KMT2D: variants seen among roughly 807,000 people sequenced by gnomAD.
KMT2D encodes lysine methyltransferase 2D.
In KMT2D, 55 loss-of-function variants were observed where a neutral mutation model predicts 512.7. The observed-to-expected ratio is 0.11, with a 90% CI of 0.09 to 0.13. The LOEUF (loss-of-function observed/expected upper bound fraction) is 0.13, where lower values mean the gene tolerates loss of function less well. Among genes scored for constraint, KMT2D ranks in the 10% least tolerant of loss-of-function variants. The pLI is 1.00. For missense variants in KMT2D, 6,061 were observed against 7,127.9 expected, an observed-to-expected ratio of 0.85 and a Z score of 5.39; for synonymous variants, 2,995 against 2,904.0, an observed-to-expected ratio of 1.03 and a Z score of -1.01.
rs376634025 is a variant in KMT2D at position 49,044,379 on chromosome 12, C to A, written c.5083+24G>T. 1.2e-6 allele frequency: 2 copies of A among 1,613,946 alleles called. No individual in the cohort carries two copies. The highest frequency in any genetic ancestry group is 1.1e-5 in the South Asian group (1 of 91,078). Reference sequence around the variant, plus strand: ...GCTGCCCCGCACCACCCCACCACCCCACAACCCCATCCCAGGACCTCACCA... The same window carrying A: ...GCTGCCCCGCACCACCCCACCACCCAACAACCCCATCCCAGGACCTCACCA... On this transcript the variant is annotated intron_variant, in intron 21 of 54. Transcript: ENST00000301067. The surrounding 1 kb of genome is among the most constrained non-coding windows in gnomAD (Gnocchi z 6.4).
At chr12:49,052,838 C>A in intron 9 of KMT2D, 77 bp downstream of exon 9, 1 of 1,596,724 alleles carries the variant, frequency 6.3e-7, no homozygotes, top group South Asian at 1.1e-5. Flanking sequence ...TCAAAGTCCA[C>A]TCAATTTAAC....
In KMT2D at chr12:49,047,818, C is replaced by T. The variant is rs1937645607; in HGVS notation, c.4236+147G>A. ...ACCGTTGAGTTCCAAAGTACTTTTC[C>T]CCAAGAAAAGTTTGATAACCACTGG... is the stretch of plus-strand genomic sequence containing the variant. On this transcript the variant is annotated intron_variant, in intron 15 of 54. Transcript: ENST00000301067. 4 of 584,026 alleles carry T rather than the reference C, an allele frequency of 6.8e-6. No homozygotes were observed. The Middle Eastern group carries it at 8.7e-4, about 127-fold the overall frequency. The allele number at this position is 584,026 out of a possible 1,614,324, so 36.2% of individuals were successfully genotyped here. A position where few individuals can be genotyped will look rare whatever the true frequency, so the allele number is the denominator to read the frequency against.
chr12:49,018,991 CTTT>C lies in KMT2D; in HGVS notation c.*2786_*2788del, dbSNP rs979601685. 1.0e-5 allele frequency: 14 copies of C among 1,404,004 alleles called. No individual in the cohort carries two copies. The East Asian group carries it at 3.0e-4, about 30-fold the overall frequency. The allele number at this position is 1,404,004 out of a possible 1,614,324, so 87.0% of individuals were successfully genotyped here. On this transcript the variant is annotated 3_prime_UTR_variant, in exon 55 of 55. Transcript: ENST00000301067. The stretch of plus-strand genomic sequence containing the variant: ...CGGAGCCGCTTGTATTTAAAATGTT[CTTT>C]TTTTATTTGTCGTTTAAAAACAAAC...
Position 49,020,479 on chromosome 12 carries a change from C to CG in KMT2D, c.*1300dup, listed in dbSNP as rs959031233. ...TTAGTAGTTTTACATTTGCTCTCCCCGGGGGGTGGGGGGAGAGGGGAGGGT... is the reference window on the plus strand; with the variant it reads ...TTAGTAGTTTTACATTTGCTCTCCCCGGGGGGGTGGGGGGAGAGGGGAGGGT... On this transcript the variant is annotated 3_prime_UTR_variant, in exon 55 of 55. Transcript: ENST00000301067. 5 of 195,736 alleles carry CG rather than the reference C, an allele frequency of 2.6e-5. No homozygotes were observed. The highest frequency in any genetic ancestry group is 5.3e-5 in the Non-Finnish European group (5 of 94,280). 12.1% of individuals were successfully genotyped at this position (195,736 alleles called of 1,614,324 possible).
intron 46 of KMT2D, 89 bp downstream of exon 46, chr12:49,028,739 A>G (rs2120384673): frequency 1.3e-6 from 2 of 1,542,088 alleles, no homozygotes; most frequent in Non-Finnish European, 1.8e-6. Flanking sequence ...CATGTGCTTG[A>G]ACGACTACAT....
Position 49,044,676 on chromosome 12 carries a change from A to T in KMT2D, c.4963+68T>A. The T allele has an allele frequency of 2.6e-6, 4 of 1,557,692 alleles. No homozygotes were observed. Among genetic ancestry groups the T allele is most frequent in the Non-Finnish European group, 3.5e-6 (4 of 1,137,270 alleles). On this transcript the variant is annotated intron_variant, in intron 20 of 54. Transcript: ENST00000301067. This position sits in a 1 kb window ranked among gnomAD's most constrained non-coding sequence, Gnocchi z 6.4. ...GTAACTGAGTGGCAATGTAGCCCCC[A>T]CCCAACATCCCACTCCCAGAGTCAC...
chr12:49,036,361 A>G (rs866746), intron 35 of KMT2D, among the ~76,000 whole-genome samples: 147,590 of 150,946 alleles, frequency 0.98, 72,240 homozygotes, highest in East Asian at 1. Flanking sequence ...GCCCAGCCTG[A>G]AGTGCAATGG....
At chr12:49,028,270 C>T (rs1942713395) in intron 46 of KMT2D, 129 bp from the exon 47 acceptor site, 1 of 1,116,830 alleles carries the variant, frequency 9.0e-7, no homozygotes, top group African/African-American at 1.6e-5. Context: ...CTATGTCACC[C>T]AGCTCTTTTC....
rs1943348733 is a variant in KMT2D at position 49,038,815 on chromosome 12, G to C, written c.8541C>G (p.Arg2847=). 6.4e-7 allele frequency: 1 copy of C among 1,568,194 alleles called. No homozygotes were observed. Among genetic ancestry groups the C allele is most frequent in the South Asian group, 1.2e-5 (1 of 85,700 alleles). Residue 2847 remains arginine (R), a synonymous_variant, in exon 35 of 55, where the codon CGC becomes CGG. Coordinates refer to ENST00000301067, the MANE Select transcript of KMT2D (RefSeq NM_003482.4). The surrounding 1 kb of genome is among the most constrained non-coding windows in gnomAD (Gnocchi z 5.7). ...CCGCCAACGGGGAACCTAGGGCTTG[G>C]CGGCCAAGTTCAGGTCCAGGAGTTG... ...FPSTPGPELG[R]QALGSPLAGI... is the part of the protein sequence containing the mutation.
rs768668663 is a variant in KMT2D, at chr12:49,032,748, G to A, written c.11957C>T (p.Ser3986Phe). The change falls in exon 40 of 55, where the codon TCT becomes TTT. Residue 3986 changes from serine to phenylalanine, a missense_variant. Transcript: ENST00000301067. ...TTGCTGCTGCTGTTGTTGCTGAGGA[G>A]ACAGTAAAGTTCGACTCTGGTTTAA... Reference protein sequence around the residue: ...GLLNQSRTLLSPQQQQQQQVA... With the variant: ...GLLNQSRTLLFPQQQQQQQVA... The A allele has an allele frequency of 6.3e-7, 1 of 1,589,774 alleles. No homozygotes were observed. The highest frequency in any genetic ancestry group is 1.3e-5 in the African/African-American group (1 of 74,446).
Position 49,027,854 on chromosome 12 carries a change from C to A in KMT2D, c.14592G>T (p.Leu4864Phe). Reference sequence around the variant, plus strand: ...GTTGGCTCTTCAGGGTATAGCCAGGCAACACTGCATCAAACTGCTTCAGCC... The same window carrying A: ...GTTGGCTCTTCAGGGTATAGCCAGGAAACACTGCATCAAACTGCTTCAGCC... ...PDWLKQFDAV[L>F]PGYTLKSQLD... The change falls in exon 48 of 55, where the codon TTG becomes TTT. Residue 4864 changes from leucine (L) to phenylalanine (F), a missense_variant. Leu to Phe is a conservative substitution (Grantham distance 22). Transcript: ENST00000301067. The A allele has an allele frequency of 6.2e-7, 1 of 1,606,472 alleles. No homozygotes were observed. Among genetic ancestry groups the A allele is most frequent in the Non-Finnish European group, 8.5e-7 (1 of 1,176,424 alleles).
rs760090339 is a variant in KMT2D, at chr12:49,043,131, T to C, written c.5589A>G (p.Pro1863=). ...TAAGCATCCCTTCACCTGGGGTGCC[T>C]GGCTTCTCAGGGTCACTGGGCACTG... ...ASPVPSDPEK[P]GTPGEGMLSS... The change falls in exon 26 of 55, where the codon CCA becomes CCG. Residue 1863 remains proline (P), a synonymous_variant. Transcript: ENST00000301067. 6.2e-7 allele frequency: 1 copy of C among 1,614,004 alleles called. No individual in the cohort carries two copies. Among genetic ancestry groups the C allele is most frequent in the Non-Finnish European group, 8.5e-7 (1 of 1,179,864 alleles).
rs1943413799 is a variant in KMT2D at position 49,039,894 on chromosome 12, G to A, written c.7876C>T (p.Pro2626Ser). 2.9e-5 allele frequency: 47 copies of A among 1,613,938 alleles called. No homozygotes were observed. Among genetic ancestry groups the A allele is most frequent in the Non-Finnish European group, 4.0e-5 (47 of 1,179,902 alleles). Residue 2626 changes from proline (P) to serine (S), a missense_variant, in exon 32 of 55, where the codon CCC becomes TCC. This residue lies in a region of KMT2D where 527 missense variants were observed against 578.9 expected (regional missense o/e 0.91). Transcript: ENST00000301067. This position sits in a 1 kb window ranked among gnomAD's most constrained non-coding sequence, Gnocchi z 5.0. ...TGTGAGGCTCCATGGGACAGGTAGG[G>A]GAGGGATCCGTCGGGTGCAGGTGGT... Reference protein sequence around the residue: ...LPPPAPDGSLPYLSHGASQRS... With the variant: ...LPPPAPDGSLSYLSHGASQRS...
Position 49,054,956 on chromosome 12 carries a change from C to T in KMT2D, c.120G>A (p.Glu40=). ...ESDLPNPHVG[E]VSVLSSGSPR... is the part of the protein sequence containing the mutation. ...GACTCCCAGAACTAAGGACAGAGAC[C>T]TCTCCCACATGTGGGTTGGGCAGGT... The change falls in exon 3 of 55, where the codon GAG becomes GAA. Residue 40 remains glutamate, a synonymous_variant. Transcript: ENST00000301067. This position sits in a 1 kb window ranked among gnomAD's most constrained non-coding sequence, Gnocchi z 6.4. 5 of 1,613,992 alleles carry T rather than the reference C, an allele frequency of 3.1e-6. No individual in the cohort carries two copies. The highest frequency in any genetic ancestry group is 4.2e-6 in the Non-Finnish European group (5 of 1,179,890).
intron 49 of KMT2D, among the ~76,000 whole-genome samples, chr12:49,025,521 G>A (rs957076424): frequency 1.3e-5 from 2 of 152,220 alleles, no homozygotes; most frequent in Non-Finnish European, 2.9e-5. Flanking sequence ...TGTGTAGTAT[G>A]CTATGCCATC....
At position 49,026,876 on chromosome 12, in the gene KMT2D, A is replaced by T. The variant is rs373414243; in HGVS notation, c.15090T>A (p.Arg5030=). The change falls in exon 49 of 55, where the codon CGT becomes CGA. Residue 5030 remains arginine, a synonymous_variant. Transcript: ENST00000301067. This position sits in a 1 kb window ranked among gnomAD's most constrained non-coding sequence, Gnocchi z 9.6. ...CCTCCTCATGACAGAAACAGCAGCGACGCATGTCTCGCGGTACCTTGTCAG... is the reference window on the plus strand; with the variant it reads ...CCTCCTCATGACAGAAACAGCAGCGTCGCATGTCTCGCGGTACCTTGTCAG... ...LRPDKVPRDM[R]RCCFCHEEGD... 6.2e-7 allele frequency: 1 copy of T among 1,614,010 alleles called. No individual in the cohort carries two copies. The highest frequency in any genetic ancestry group is 1.3e-5 in the African/African-American group (1 of 75,050).
In KMT2D at chr12:49,034,121, C is replaced by T. The variant is rs148093041; in HGVS notation, c.10686G>A (p.Glu3562=). 6.2e-7 allele frequency: 1 copy of T among 1,613,168 alleles called. No individual in the cohort carries two copies. The highest frequency in any genetic ancestry group is 8.5e-7 in the Non-Finnish European group (1 of 1,179,886). Residue 3562 remains glutamate, a synonymous_variant, in exon 39 of 55, where the codon GAG becomes GAA. Transcript: ENST00000301067. ...GCTGCTCTGTAACCAGCTTGAGCTT[C>T]TCAGCATCAGCTTCTGGGAACTCAC... ...AGREFPEADA[E]KLKLVTEQQS...
At chr12:49,049,597 A>ATC (rs1937795984) in intron 12 of KMT2D, 85 bp downstream of exon 12, 1 of 1,398,852 alleles carries the variant, frequency 7.1e-7, no homozygotes, top group East Asian at 2.4e-5. Flanking sequence ...TCACAAAGCA[A>ATC]GGTGGGAAAG....
chr12:49,041,372 G>A lies in KMT2D; in HGVS notation c.6398C>T (p.Ala2133Val), dbSNP rs2120545971. 6.3e-7 allele frequency: 1 copy of A among 1,593,056 alleles called. No homozygotes were observed. ...TIFIGSPTTPAGLSTSADGFL... is the reference protein window; with the variant it reads ...TIFIGSPTTPVGLSTSADGFL... ...CCCGTCCGCAGAGGTAGACAAGCCG[G>A]CGGGGGTAGTGGGGCTGCCAATGAA... Residue 2133 changes from alanine (A) to valine (V), a missense_variant, in exon 32 of 55, where the codon GCC (alanine) becomes GTC (valine). Physicochemically the swap from Ala to Val is moderately conservative, Grantham distance 64. Around this residue, in one of 16 missense-constraint regions of KMT2D, gnomAD observed 710 missense variants for 647.3 expected, o/e 1.10. Transcript: ENST00000301067. The surrounding 1 kb of genome is among the most constrained non-coding windows in gnomAD (Gnocchi z 5.4).
Sources: gnomAD v4.1 joint callset for allele counts (sites outside exome capture counted in the v4.1 genomes callset) on GRCh38, gnomAD v4.1.1 for gene constraint, gnomAD v4.1.1 regional missense constraint, Gnocchi (gnomAD v3.1) non-coding constraint, MANE v1.5 for transcripts, NCBI Gene and HGNC (gene_info 2026-07-23, HGNC 2026-07-21) for gene names.